ACLY: variants seen among roughly 807,000 people sequenced by gnomAD.
ACLY encodes ATP-citrate synthase.
A neutral mutation model predicts 133.0 loss-of-function variants in ACLY; 41 were observed. That is an observed-to-expected ratio of 0.31 (90% confidence interval 0.24 to 0.40). The LOEUF is 0.40. Among genes scored for constraint, ACLY ranks in the 10% least tolerant of loss-of-function variants. The probability of loss-of-function intolerance (pLI) is 1.00; values close to 1 mark genes in which losing one functional copy is unlikely to be tolerated. For synonymous variants in ACLY, 495 were observed against 549.3 expected (o/e 0.90, Z 1.38); for missense variants, 1,046 against 1,453.8 (o/e 0.72, Z 4.56).
chr17:41,911,030 C>T (rs1166866896), intron 3 of ACLY, among the ~76,000 whole-genome samples: 1 of 152,146 alleles, frequency 6.6e-6, no homozygotes, highest in Non-Finnish European at 1.5e-5. Context: ...TGGGGACATG[C>T]TCAGCATCCC....
At chr17:41,919,170 TC>T, upstream of ACLY, 1 of 906,552 alleles carries the variant, frequency 1.1e-6, no homozygotes, top group Non-Finnish European at 1.4e-6. Context: ...ATCCACCGCC[TC>T]TTGGGAGCCT....
In ACLY at chr17:41,892,429, C is replaced by T; in HGVS notation, c.1620G>A (p.Lys540=). ...GGATCTCTTTGTGCCCCCAGTAAAA[C>T]TTCTGCTTGTGGTCCCCACTGTGAG... is the stretch of plus-strand genomic sequence containing the variant. ...VYPFTGDHKQ[K]FYWGHKEILI... is the part of the protein sequence containing the mutation. The change falls in exon 16 of 29, where the codon AAG becomes AAA. Residue 540 remains lysine (K), a synonymous_variant. Transcript: ENST00000352035. The T allele has an allele frequency of 1.9e-6, 3 of 1,613,774 alleles. No individual in the cohort carries two copies. Among genetic ancestry groups the T allele is most frequent in the Non-Finnish European group, 8.5e-7 (1 of 1,179,924 alleles).
intron 8 of ACLY, among the ~76,000 whole-genome samples, 174 bp downstream of exon 8, chr17:41,906,354 A>C (rs1372395698): frequency 2.0e-5 from 3 of 152,178 alleles, no homozygotes; most frequent in African/African-American, 7.2e-5. Context: ...TATAGAAGAC[A>C]CTGGGTGCAG....
chr17:41,893,427 G>C (rs1237739233), intron 14 of ACLY, among the ~76,000 whole-genome samples: 1 of 152,216 alleles, frequency 6.6e-6, no homozygotes, highest in Non-Finnish European at 1.5e-5. Flanking sequence ...GCTCTGCAAA[G>C]AATGGAGAAA....
At chr17:41,916,104 G>C (rs1567916421) in intron 1 of ACLY, among the ~76,000 whole-genome samples, 1 of 152,168 alleles carries the variant, frequency 6.6e-6, no homozygotes, top group Non-Finnish European at 1.5e-5. Context: ...TCAGGTCCAA[G>C]AGCCCATCTC....
intron 5 of ACLY, among the ~76,000 whole-genome samples, chr17:41,909,287 G>A (rs2049822759): frequency 6.6e-6 from 1 of 152,182 alleles, no homozygotes; most frequent in Admixed American, 6.5e-5. Context: ...GGAGGCAGAG[G>A]TGTCAGACAG....
chr17:41,905,742 C>T (rs2049696296), intron 8 of ACLY, 84 bp from the exon 9 acceptor site: 1 of 1,541,124 alleles, frequency 6.5e-7, no homozygotes, highest in Non-Finnish European at 9.0e-7. Context: ...CACACGGATC[C>T]CTCAAAACAC....
At chr17:41,872,278 G>GT in intron 23 of ACLY, 96 bp from the exon 24 acceptor site, 2 of 1,237,836 alleles carry the variant, frequency 1.6e-6, no homozygotes, top group Non-Finnish European at 2.3e-6. Context: ...TCCAAGAAGG[G>GT]TAACTACCAA....
At chr17:41,877,604 C>G (rs538640711) in intron 22 of ACLY, among the ~76,000 whole-genome samples, 131 of 152,264 alleles carry the variant, frequency 8.6e-4, no homozygotes, top group African/African-American at 3.0e-3. Flanking sequence ...GATTGAGGGA[C>G]ACAAAGTATT....
At chr17:41,895,719 C>G (rs918399782) in intron 14 of ACLY, among the ~76,000 whole-genome samples, 7 of 152,196 alleles carry the variant, frequency 4.6e-5, no homozygotes, top group African/African-American at 1.7e-4. Flanking sequence ...TTAACTTTTT[C>G]CAGAGGCAAA....
chr17:41,912,623 C>A, intron 2 of ACLY, 81 bp from the exon 3 acceptor site: 1 of 1,542,358 alleles, frequency 6.5e-7, no homozygotes, highest in Non-Finnish European at 8.9e-7. Flanking sequence ...TAGAGGACAG[C>A]AGGGATTGAC....
intron 19 of ACLY, 88 bp downstream of exon 19, chr17:41,884,105 C>A: frequency 1.2e-6 from 1 of 800,556 alleles, no homozygotes. Flanking sequence ...CTTTAAGTTA[C>A]ATGTAACCAA....
intron 16 of ACLY, 148 bp from the exon 17 acceptor site, chr17:41,887,851 G>C (rs1346654631): frequency 3.1e-6 from 2 of 637,724 alleles, no homozygotes; most frequent in Non-Finnish European, 5.6e-6. Context: ...ATATCAGCCG[G>C]GCGCGGTGGC....
At chr17:41,921,498 AAAAAGAAAAAAAG>A, upstream of ACLY, among the ~76,000 whole-genome samples, 1 of 150,486 alleles carries the variant, frequency 6.6e-6, no homozygotes, top group African/African-American at 2.4e-5. Context: ...AAAAAAAACA[AAAAAGAAAAAAAG>A]GAAAAGAAAA....
At chr17:41,895,282 T>G (rs1228350739) in intron 14 of ACLY, among the ~76,000 whole-genome samples, 1 of 152,168 alleles carries the variant, frequency 6.6e-6, no homozygotes, top group Admixed American at 6.5e-5. Context: ...CCCCGCCAGG[T>G]GACGCACGTG....
At chr17:41,875,562 C>T (rs1421313581) in intron 22 of ACLY, among the ~76,000 whole-genome samples, 1 of 152,168 alleles carries the variant, frequency 6.6e-6, no homozygotes, top group Non-Finnish European at 1.5e-5. Flanking sequence ...CTGCCTCAGC[C>T]TGCCGAGTGC....
chr17:41,869,044 G>A lies in ACLY; in HGVS notation c.3133C>T (p.Arg1045Trp), dbSNP rs370017945. The change falls in exon 27 of 29, where the codon CGG becomes TGG. Residue 1045 changes from arginine to tryptophan, a missense_variant and splice_region_variant. Transcript: ENST00000352035. ...DMLRNCGSFT[R>W]EEADEYIDIG... ...GAAGAAAACAGCTACAATGCTCACC[G>A]AGTAAAGGACCCACAGTTTCTAAGC... is the stretch of plus-strand genomic sequence containing the variant. The A allele has an allele frequency of 9.3e-6, 15 of 1,610,474 alleles. No homozygotes were observed. In the African/African-American group the frequency reaches 9.4e-5, roughly 10 times the overall value.
intron 15 of ACLY, 61 bp downstream of exon 15, chr17:41,892,972 C>T (rs1339607728): frequency 5.7e-6 from 9 of 1,575,360 alleles, no homozygotes; most frequent in Admixed American, 3.4e-5. Context: ...AGCCACTGTG[C>T]CCAGCCCCAA....
chr17:41,929,914 T>C (rs2050296476), intron 1 of ACLY, among the ~76,000 whole-genome samples: 1 of 152,156 alleles, frequency 6.6e-6, no homozygotes, highest in East Asian at 1.9e-4. Context: ...ATCTTTTTAC[T>C]ATTTAAACTT....
Sources: gnomAD v4.1 joint callset for allele counts (sites outside exome capture counted in the v4.1 genomes callset) on GRCh38, gnomAD v4.1.1 for gene constraint, MANE v1.5 for transcripts, NCBI Gene and HGNC (gene_info 2026-07-23, HGNC 2026-07-21) for gene names.